Variants in CEP57L1 observed in about 807,000 individuals in gnomAD.
CEP57L1 encodes centrosomal protein 57 like 1.
Under a neutral mutation model 61.0 loss-of-function variants are expected in CEP57L1, and 37 were observed. The ratio of observed to expected loss-of-function variants is 0.61; its 90% CI spans 0.47 to 0.80. CEP57L1 has a LOEUF of 0.80. Ranked by LOEUF, CEP57L1 falls within the 30% of genes least tolerant of loss-of-function variation. The probability of loss-of-function intolerance (pLI) is 0.00; values close to 1 mark genes in which losing one functional copy is unlikely to be tolerated. For missense variants in CEP57L1, 422 were observed against 524.7 expected, an observed-to-expected ratio of 0.80 and a Z score of 1.91; for synonymous variants, 137 against 162.3, an observed-to-expected ratio of 0.84 and a Z score of 1.19.
At chr6:109,097,630 T>C (rs1471160504) in intron 1 of CEP57L1, among the ~76,000 whole-genome samples, 1 of 152,192 alleles carries the variant, frequency 6.6e-6, no homozygotes, top group African/African-American at 2.4e-5. Context: ...CCTACTGTCA[T>C]AGAGCTTGCA....
intron 1 of CEP57L1, among the ~76,000 whole-genome samples, chr6:109,125,522 ATAT>A (rs1562524304): frequency 2.1e-5 from 3 of 139,730 alleles, no homozygotes; most frequent in South Asian, 2.3e-4. Flanking sequence ...ATATATATAT[ATAT>A]TTTTTTTTTA....
intron 3 of CEP57L1, among the ~76,000 whole-genome samples, chr6:109,148,602 A>G (rs1772232212): frequency 6.6e-6 from 1 of 152,182 alleles, no homozygotes; most frequent in Non-Finnish European, 1.5e-5. Context: ...TCTTTGTAGC[A>G]GCATGATTTA....
intron 1 of CEP57L1, among the ~76,000 whole-genome samples, chr6:109,127,300 T>C (rs549726743): frequency 5.7e-4 from 87 of 152,220 alleles, no homozygotes; most frequent in Non-Finnish European, 5.4e-4. Context: ...TAAACCAATT[T>C]TACTTGATAT....
At chr6:109,133,139 T>C (rs1774386376) in intron 1 of CEP57L1, among the ~76,000 whole-genome samples, 1 of 152,320 alleles carries the variant, frequency 6.6e-6, no homozygotes, top group African/African-American at 2.4e-5. Context: ...TATTTCTGAG[T>C]ACCTTACTTA....
chr6:109,109,771 T>C (rs1215805584), intron 1 of CEP57L1, among the ~76,000 whole-genome samples: 1 of 152,218 alleles, frequency 6.6e-6, no homozygotes, highest in Non-Finnish European at 1.5e-5. Flanking sequence ...CTCCCACTTA[T>C]GAGTGAGAAC....
chr6:109,139,176 A>C lies in CEP57L1; in HGVS notation c.-3-6043A>C, dbSNP rs79671706. 8.3e-3 allele frequency among the ~76,000 whole-genome samples: 1,266 copies of C among 152,348 alleles called. 23 individuals carry two copies. Among genetic ancestry groups the C allele is most frequent in the African/African-American group, 0.029 (1,216 of 41,594 alleles). Reference sequence around the variant, plus strand: ...CAACTAACAGGTAGGTAGCGTCTACAGTGTGGAAATGCCGGACAAAGAGAT... The same window carrying C: ...CAACTAACAGGTAGGTAGCGTCTACCGTGTGGAAATGCCGGACAAAGAGAT... On this transcript the variant is annotated intron_variant, in intron 1 of 10. Coordinates refer to ENST00000517392, the MANE Select transcript of CEP57L1 (RefSeq NM_001271852.3).
At chr6:109,109,049 AAGG>A (rs1771262348) in intron 1 of CEP57L1, among the ~76,000 whole-genome samples, 1 of 152,214 alleles carries the variant, frequency 6.6e-6, no homozygotes, top group Admixed American at 6.5e-5. Context: ...AATTTCTAAC[AAGG>A]ATGTTGTGGA....
chr6:109,130,739 C>G (rs1293849124), intron 1 of CEP57L1: 2 of 147,776 alleles, frequency 1.4e-5, no homozygotes, highest in Non-Finnish European at 3.0e-5. Flanking sequence ...TGTTGAGATT[C>G]AGGTTATGCT....
intron 1 of CEP57L1, among the ~76,000 whole-genome samples, chr6:109,120,570 A>G (rs912044658): frequency 6.6e-6 from 1 of 152,176 alleles, no homozygotes; most frequent in African/African-American, 2.4e-5. Context: ...GTGCTGTTTA[A>G]GTTTTGTTAC....
chr6:109,095,279 C>T (rs1196536841), upstream of CEP57L1: 23 of 985,670 alleles, frequency 2.3e-5, no homozygotes, highest in Non-Finnish European at 2.7e-5. Context: ...ACTGAGACTT[C>T]GTCACACATA....
At chr6:109,157,511 G>A (rs541919478) in intron 7 of CEP57L1, 2 of 152,212 alleles carry the variant, frequency 1.3e-5, no homozygotes, top group South Asian at 4.1e-4. Context: ...ATATGTGAAA[G>A]GTAATTCAAG....
chr6:109,173,293 C>G lies in CEP57L1; in HGVS notation c.*10323C>G, dbSNP rs1403517320. ...ATTTTTTTCCTGAATCCTAAAAGGT[C>G]AGTTGGAACATGAGACCATTTAAAG... is the stretch of plus-strand genomic sequence containing the variant. On this transcript the variant is annotated 3_prime_UTR_variant, in exon 11 of 11. Coordinates refer to ENST00000517392, the MANE Select transcript of CEP57L1 (RefSeq NM_001271852.3). Among the ~76,000 whole-genome samples the G allele has an allele frequency of 1.3e-5, 2 of 152,036 alleles. No individual in the cohort carries two copies. The highest frequency in any genetic ancestry group is 2.4e-5 in the African/African-American group (1 of 41,490).
chr6:109,149,719 A>G (rs1772381156), intron 3 of CEP57L1, among the ~76,000 whole-genome samples: 1 of 151,884 alleles, frequency 6.6e-6, no homozygotes, highest in Admixed American at 6.6e-5. Context: ...CAGTATGGCC[A>G]TTTTCACGAT....
At position 109,174,397 on chromosome 6, in the gene CEP57L1, A is replaced by G. The variant is rs1378491735; in HGVS notation, c.*11427A>G. Among the ~76,000 whole-genome samples, 1 of 152,202 alleles carries G rather than the reference A, an allele frequency of 6.6e-6. No individual in the cohort carries two copies. Among genetic ancestry groups the G allele is most frequent in the African/African-American group, 2.4e-5 (1 of 41,460 alleles). ...TTTCTACCCTTTGCTCTAAAGTTAC[A>G]TAAAAACAATTTCCAAGTTTGTTCA... On this transcript the variant is annotated 3_prime_UTR_variant, in exon 11 of 11. Transcript: ENST00000517392.
chr6:109,130,661 TTG>T lies in CEP57L1; in HGVS notation c.-3-14556_-3-14555del, dbSNP rs1415414445. The T allele has an allele frequency of 5.2e-3, 777 of 148,258 alleles. 10 individuals are homozygous for T. The highest frequency in any genetic ancestry group is 0.019 in the African/African-American group (749 of 39,198). The allele number at this position is 148,258 out of a possible 1,614,324, so 9.2% of individuals were successfully genotyped here. ...GAAAACAACCCCCTCTCTGCTGGTT[TTG>T]TTTTTTTTTTTTTTTTTAAAGAAAA... On this transcript the variant is annotated intron_variant, in intron 1 of 10. Coordinates refer to ENST00000517392, the MANE Select transcript of CEP57L1 (RefSeq NM_001271852.3).
chr6:109,156,204 A>G (rs1050667012), intron 7 of CEP57L1: 1 of 162,862 alleles, frequency 6.1e-6, no homozygotes, highest in African/African-American at 2.4e-5. Context: ...AGAAAGATTA[A>G]CATTTTTCTA....
chr6:109,153,471 C>G (rs888600735), intron 4 of CEP57L1, among the ~76,000 whole-genome samples: 2 of 151,514 alleles, frequency 1.3e-5, no homozygotes, highest in African/African-American at 2.4e-5. Context: ...GCCTCAAACT[C>G]CAGGGTTCAA....
rs895973675 is a variant in CEP57L1, at chr6:109,129,289, A to C, written c.-3-15930A>C. The C allele has an allele frequency of 5.3e-5, 50 of 938,018 alleles. No individual in the cohort carries two copies. In the African/African-American group the frequency reaches 7.6e-4, roughly 14 times the overall value. The allele number at this position is 938,018 out of a possible 1,614,324, so 58.1% of individuals were successfully genotyped here. A position where few individuals can be genotyped will look rare whatever the true frequency, so the allele number is the denominator to read the frequency against. ...TTTAGTATCTTTATTAACTTAAGCT[A>C]TTCATATTTCCTAGAAAATGGATCC... On this transcript the variant is annotated intron_variant, in intron 1 of 10. Transcript: ENST00000517392.
At position 109,164,026 on chromosome 6, in the gene CEP57L1, A is replaced by G. The variant is rs911999991; in HGVS notation, c.*1056A>G. The G allele has an allele frequency of 6.6e-6, 1 of 152,152 alleles. No individual in the cohort carries two copies. Among genetic ancestry groups the G allele is most frequent in the African/African-American group, 2.4e-5 (1 of 41,426 alleles). 9.4% of individuals were successfully genotyped at this position (152,152 alleles called of 1,614,324 possible). On this transcript the variant is annotated 3_prime_UTR_variant, in exon 11 of 11. Coordinates refer to ENST00000517392, the MANE Select transcript of CEP57L1 (RefSeq NM_001271852.3). ...ATTAGAAATAGAGGACAGAGAGAAA[A>G]GATATAATAGAATGGAGGAGCTCAA...
Sources: gnomAD v4.1 joint callset for allele counts (sites outside exome capture counted in the v4.1 genomes callset) on GRCh38, gnomAD v4.1.1 for gene constraint, MANE v1.5 for transcripts, NCBI Gene and HGNC (gene_info 2026-07-23, HGNC 2026-07-21) for gene names.